CSMD3: variants seen among roughly 807,000 people sequenced by gnomAD.
CSMD3 encodes CUB and sushi domain-containing protein 3.
A neutral mutation model predicts 435.2 loss-of-function variants in CSMD3; 177 were observed. That is an observed-to-expected ratio of 0.41 (90% CI 0.36 to 0.46). The LOEUF (loss-of-function observed/expected upper bound fraction) is 0.46, where lower values mean the gene tolerates loss of function less well. Ranked by LOEUF, CSMD3 falls within the 20% of genes least tolerant of loss-of-function variation. The pLI is 0.34. For synonymous variants in CSMD3, 1,656 were observed against 1,520.5 expected, an observed-to-expected ratio of 1.09 and a Z score of -2.07; for missense variants, 4,265 against 4,504.6, an observed-to-expected ratio of 0.95 and a Z score of 1.52.
At chr8:112,371,898 A>C (rs537025194) in intron 38 of CSMD3, among the ~76,000 whole-genome samples, 97 of 152,072 alleles carry the variant, frequency 6.4e-4, no homozygotes, top group East Asian at 1.4e-3. Context: ...TCAAAAAAAA[A>C]CCAAAAAAAC....
At chr8:112,833,202 G>A (rs183150256) in intron 11 of CSMD3, among the ~76,000 whole-genome samples, 2 of 152,044 alleles carry the variant, frequency 1.3e-5, no homozygotes, top group African/African-American at 2.4e-5. Context: ...TTTATTTTGG[G>A]CTTTCTAATG....
chr8:112,632,610 T>C (rs1189688684), intron 22 of CSMD3, among the ~76,000 whole-genome samples: 1 of 152,044 alleles, frequency 6.6e-6, no homozygotes, highest in East Asian at 1.9e-4. Context: ...ATTTGCAACA[T>C]GGCCTGGCTT....
At chr8:112,835,256 T>C (rs554077902) in intron 11 of CSMD3, among the ~76,000 whole-genome samples, 2 of 151,984 alleles carry the variant, frequency 1.3e-5, no homozygotes, top group East Asian at 1.9e-4. Flanking sequence ...AGAAGCTATG[T>C]CTCATAATCT....
chr8:113,187,207 C>A (rs2092518521), intron 3 of CSMD3, among the ~76,000 whole-genome samples: 1 of 151,072 alleles, frequency 6.6e-6, no homozygotes, highest in South Asian at 2.1e-4. Context: ...TTCCCCTCAC[C>A]TTTCAATGTG....
chr8:113,397,984 T>G (rs908051553), intron 1 of CSMD3, among the ~76,000 whole-genome samples: 2 of 152,046 alleles, frequency 1.3e-5, no homozygotes, highest in Non-Finnish European at 2.9e-5. Flanking sequence ...ATCTGTATAA[T>G]GGGAATAATT....
intron 2 of CSMD3, among the ~76,000 whole-genome samples, chr8:113,308,338 G>C (rs899479244): frequency 7.5e-5 from 9 of 120,758 alleles, no homozygotes; most frequent in African/African-American, 9.7e-5. Flanking sequence ...GCGCGATCTC[G>C]GCTCACTGCA....
intron 32 of CSMD3, among the ~76,000 whole-genome samples, chr8:112,431,727 C>A (rs1813730361): frequency 6.6e-6 from 1 of 152,158 alleles, no homozygotes; most frequent in African/African-American, 2.4e-5. Flanking sequence ...GTGAAACTTG[C>A]TGTACTTTAC....
chr8:112,841,550 A>G (rs1268906154), intron 11 of CSMD3, among the ~76,000 whole-genome samples: 1 of 151,840 alleles, frequency 6.6e-6, no homozygotes, highest in African/African-American at 2.4e-5. Context: ...GCTAACTAGA[A>G]GCTTCCTGAT....
intron 4 of CSMD3, among the ~76,000 whole-genome samples, chr8:113,128,675 G>C (rs1170623861): frequency 6.6e-6 from 1 of 152,052 alleles, no homozygotes; most frequent in African/African-American, 2.4e-5. Context: ...TACTCAGACA[G>C]AGGCTTCCTT....
At chr8:113,266,363 TTA>T (rs1422723822) in intron 3 of CSMD3, among the ~76,000 whole-genome samples, 1 of 151,282 alleles carries the variant, frequency 6.6e-6, no homozygotes, top group Non-Finnish European at 1.5e-5. Flanking sequence ...ATTTTGCATT[TTA>T]TGTTACCTAT....
chr8:112,965,235 T>G (rs891958287), intron 7 of CSMD3, among the ~76,000 whole-genome samples: 3 of 151,984 alleles, frequency 2.0e-5, no homozygotes, highest in African/African-American at 7.2e-5. Flanking sequence ...ACTGTGACGA[T>G]CTCATTCACA....
intron 18 of CSMD3, among the ~76,000 whole-genome samples, chr8:112,654,953 A>G (rs2075220238): frequency 6.6e-6 from 1 of 152,202 alleles, no homozygotes; most frequent in East Asian, 1.9e-4. Context: ...TAGACTCAAA[A>G]TATCAGTTAA....
At position 112,556,844 on chromosome 8, in the gene CSMD3, A is replaced by G; in HGVS notation, c.4153T>C (p.Tyr1385His). 2 of 1,612,442 alleles carry G rather than the reference A, an allele frequency of 1.2e-6. No homozygotes were observed. Among genetic ancestry groups the G allele is most frequent in the Non-Finnish European group, 8.5e-7 (1 of 1,178,990 alleles). The change falls in exon 25 of 71, where the codon TAC (tyrosine) becomes CAC (histidine). Residue 1385 changes from tyrosine (Y) to histidine (H), a missense_variant. Physicochemically the swap from Tyr to His is moderately conservative, Grantham distance 83 (BLOSUM62 2). Around this residue, in one of 3 missense-constraint regions of CSMD3, gnomAD observed 3,255 missense variants for 3,380.2 expected, o/e 0.96. Coordinates refer to ENST00000297405, the MANE Select transcript of CSMD3 (RefSeq NM_198123.2). ...STIIYGCNPG[Y>H]TLHGSSLLKC... is the part of the protein sequence containing the mutation. ...AGAAGGCTACTTCCGTGGAGAGTGT[A>G]GCCTGGATTGCATCCATAAATGATG...
chr8:113,155,433 C>A (rs1414772621), intron 4 of CSMD3, among the ~76,000 whole-genome samples: 2 of 151,928 alleles, frequency 1.3e-5, no homozygotes, highest in African/African-American at 4.8e-5. Flanking sequence ...ATAATTATTG[C>A]ACATACTCAT....
intron 13 of CSMD3, among the ~76,000 whole-genome samples, chr8:112,740,998 G>A (rs2077292557): frequency 6.6e-6 from 1 of 151,812 alleles, no homozygotes; most frequent in Non-Finnish European, 1.5e-5. Flanking sequence ...GGATTTATGA[G>A]GCAGTAGTTA....
At chr8:112,940,527 T>A (rs939385199) in intron 9 of CSMD3, among the ~76,000 whole-genome samples, 1 of 151,814 alleles carries the variant, frequency 6.6e-6, no homozygotes, top group Non-Finnish European at 1.5e-5. Context: ...TTTAACTTTT[T>A]AATTTATTTT....
intron 3 of CSMD3, among the ~76,000 whole-genome samples, chr8:113,230,443 C>T (rs1052463624): frequency 2.6e-5 from 4 of 151,484 alleles, no homozygotes; most frequent in Non-Finnish European, 5.9e-5. Flanking sequence ...CTCCAGTGAG[C>T]TCTTGTCTAA....
chr8:112,229,137 A>C (rs1812846632), intron 69 of CSMD3, among the ~76,000 whole-genome samples: 1 of 152,220 alleles, frequency 6.6e-6, no homozygotes. Context: ...AGGAGTTTAT[A>C]CAATAGTGGG....
At position 113,089,483 on chromosome 8, in the gene CSMD3, C is replaced by T. The variant is rs553916039; in HGVS notation, c.917+9273G>A. Among the ~76,000 whole-genome samples, 11 of 152,036 alleles carry T rather than the reference C, an allele frequency of 7.2e-5. No individual in the cohort carries two copies. In the South Asian group the frequency reaches 8.3e-4, roughly 11 times the overall value. ...GTTAACAATACATTGAATAATGACA[C>T]GTCATCTTCTATATAGCAGAATAAA... On this transcript the variant is annotated intron_variant, in intron 5 of 70. Transcript: ENST00000297405.
Sources: gnomAD v4.1 joint callset for allele counts (sites outside exome capture counted in the v4.1 genomes callset) on GRCh38, gnomAD v4.1.1 for gene constraint, gnomAD v4.1.1 regional missense constraint, MANE v1.5 for transcripts, NCBI Gene and HGNC (gene_info 2026-07-23, HGNC 2026-07-21) for gene names.